Variants in DDX42 observed in about 807,000 individuals in gnomAD.
DDX42 encodes the protein DEAD-box helicase 42.
DDX42 carries 22 observed loss-of-function variants against 101.5 expected under a neutral mutation model. That is an observed-to-expected ratio of 0.22 (90% confidence interval 0.15 to 0.31). The LOEUF (loss-of-function observed/expected upper bound fraction) is 0.31, where lower values mean the gene tolerates loss of function less well. DDX42 is among the 10% of genes least tolerant of loss of function. The pLI, the probability that DDX42 is intolerant of heterozygous loss-of-function variation, is 1.00. For missense variants in DDX42, 849 were observed against 1,199.9 expected, an observed-to-expected ratio of 0.71 and a Z score of 4.32; for synonymous variants, 402 against 401.2, an observed-to-expected ratio of 1.00 and a Z score of -0.02.
chr17:63,796,516 A>AT (rs2039694670), intron 3 of DDX42, among the ~76,000 whole-genome samples: 1 of 152,206 alleles, frequency 6.6e-6, no homozygotes, highest in Admixed American at 6.5e-5. Context: ...GGGTTTCTCC[A>AT]TATTGGTCAG....
chr17:63,787,515 T>C (rs1001466188), intron 2 of DDX42, among the ~76,000 whole-genome samples: 9 of 152,338 alleles, frequency 5.9e-5, no homozygotes, highest in Admixed American at 4.6e-4. Context: ...GGGCTGTTGC[T>C]CACTGTGGGA....
chr17:63,818,944 C>G lies in DDX42; in HGVS notation c.*546C>G, dbSNP rs996022548. On this transcript the variant is annotated 3_prime_UTR_variant, in exon 18 of 18. Coordinates refer to ENST00000389924, the MANE Select transcript of DDX42 (RefSeq NM_203499.3). Reference sequence around the variant, plus strand: ...TCAGGTCCCCAGCCAGGTTTGCATCCAGCCCTGAGACATGTAGGAAACACC... The same window carrying G: ...TCAGGTCCCCAGCCAGGTTTGCATCGAGCCCTGAGACATGTAGGAAACACC... The G allele has an allele frequency of 6.5e-6, 1 of 154,662 alleles. No homozygotes were observed. The highest frequency in any genetic ancestry group is 6.3e-5 in the Admixed American group (1 of 15,770). 9.6% of individuals were successfully genotyped at this position (154,662 alleles called of 1,614,324 possible).
At chr17:63,801,899 G>A (rs928823326) in intron 6 of DDX42, among the ~76,000 whole-genome samples, 1 of 152,020 alleles carries the variant, frequency 6.6e-6, no homozygotes, top group African/African-American at 2.4e-5. Context: ...AAAAATATCA[G>A]TGTTTCATCC....
At chr17:63,793,800 A>G (rs1018287834) in intron 3 of DDX42, among the ~76,000 whole-genome samples, 1 of 151,284 alleles carries the variant, frequency 6.6e-6, no homozygotes, top group East Asian at 1.9e-4. Context: ...GATCATTAAG[A>G]ATGTTCATTA....
chr17:63,794,132 C>G (rs184495425), intron 3 of DDX42, among the ~76,000 whole-genome samples: 17 of 152,280 alleles, frequency 1.1e-4, no homozygotes, highest in Admixed American at 2.6e-4. Flanking sequence ...CTACTTTACA[C>G]TCTCGTAAAT....
chr17:63,818,998 G>A lies in DDX42; in HGVS notation c.*600G>A, dbSNP rs1598347175. On this transcript the variant is annotated 3_prime_UTR_variant, in exon 18 of 18. Transcript: ENST00000389924. ...CAGACCCAGGCTCTGAAGATTCCCAGAAGCCACAAGGATTGAAGGGAAAAG... is the reference window on the plus strand; with the variant it reads ...CAGACCCAGGCTCTGAAGATTCCCAAAAGCCACAAGGATTGAAGGGAAAAG... The A allele has an allele frequency of 6.6e-6, 1 of 152,550 alleles. No homozygotes were observed. The allele number at this position is 152,550 out of a possible 1,614,324, so 9.4% of individuals were successfully genotyped here.
chr17:63,806,784 C>G (rs1433026258), intron 8 of DDX42, 130 bp downstream of exon 8: 1 of 1,028,224 alleles, frequency 9.7e-7, no homozygotes, highest in African/African-American at 1.7e-5. Context: ...AGGTATTTAT[C>G]ACTCTTAAGA....
intron 3 of DDX42, among the ~76,000 whole-genome samples, chr17:63,795,583 T>C (rs1166932447): frequency 6.6e-6 from 1 of 152,206 alleles, no homozygotes; most frequent in Non-Finnish European, 1.5e-5. Context: ...CTCTCCACCT[T>C]GGCCTCTCAG....
At chr17:63,807,670 A>C in intron 8 of DDX42, 54 bp from the exon 9 acceptor site, 1 of 1,527,992 alleles carries the variant, frequency 6.5e-7, no homozygotes, top group Non-Finnish European at 8.9e-7. Context: ...GATTTGCTTC[A>C]GTACATCTTT....
At chr17:63,817,278 ACT>A in intron 17 of DDX42, 1 of 347,824 alleles carries the variant, frequency 2.9e-6, no homozygotes, top group Admixed American at 4.4e-5. Context: ...CCCACCTCCA[ACT>A]CACTTCTGAA....
chr17:63,785,557 A>G (rs548856017), intron 1 of DDX42, among the ~76,000 whole-genome samples: 1 of 151,374 alleles, frequency 6.6e-6, no homozygotes, highest in African/African-American at 2.4e-5. Context: ...TCTTGAGGCT[A>G]GAAGTTTGAG....
At chr17:63,809,095 T>TAGTTTTGATTAATTTTGATTAATTTA (rs1198776379) in intron 10 of DDX42, 147 bp downstream of exon 10, 1 of 1,192,262 alleles carries the variant, frequency 8.4e-7, no homozygotes, top group Non-Finnish European at 1.2e-6. Context: ...TAATTTTGAT[T>TAGTTTTGATTAATTTTGATTAATTTA]GGTGGCTAAA....
chr17:63,785,615 A>G (rs991508112), intron 1 of DDX42, among the ~76,000 whole-genome samples: 2 of 149,556 alleles, frequency 1.3e-5, no homozygotes, highest in African/African-American at 5.1e-5. Context: ...AAAAAAAAAA[A>G]AAAGAAAGAA....
At chr17:63,779,026 G>T (rs1463463824) in intron 1 of DDX42, among the ~76,000 whole-genome samples, 7 of 152,178 alleles carry the variant, frequency 4.6e-5, no homozygotes. Context: ...TTATTGGTCA[G>T]TATAAAACAA....
At chr17:63,814,267 G>A (rs1439021889) in intron 15 of DDX42, among the ~76,000 whole-genome samples, 1 of 152,186 alleles carries the variant, frequency 6.6e-6, no homozygotes, top group African/African-American at 2.4e-5. Context: ...CAAACCTGGA[G>A]TCATCTGAAT....
intron 2 of DDX42, among the ~76,000 whole-genome samples, chr17:63,789,677 A>G (rs1274743926): frequency 6.7e-6 from 1 of 148,932 alleles, no homozygotes; most frequent in African/African-American, 2.5e-5. Flanking sequence ...GGGTTCAAGC[A>G]ATTCTCCTGT....
chr17:63,811,345 C>A, intron 13 of DDX42, 172 bp downstream of exon 13: 2 of 483,662 alleles, frequency 4.1e-6, no homozygotes, highest in Non-Finnish European at 3.6e-6. Flanking sequence ...ACAAGACTGG[C>A]AAAATGTTGG....
At position 63,805,004 on chromosome 17, in the gene DDX42, C is replaced by T. The variant is rs562816374; in HGVS notation, c.622-67C>T. The T allele has an allele frequency of 5.7e-5, 88 of 1,530,716 alleles. No homozygotes were observed. The Middle Eastern group carries it at 1.7e-3, about 30-fold the overall frequency. 94.8% of individuals were successfully genotyped at this position (1,530,716 alleles called of 1,614,324 possible). On this transcript the variant is annotated intron_variant, in intron 6 of 17. Transcript: ENST00000389924. Reference sequence around the variant, plus strand: ...GTAAAATTTGGAAAAGATTATTTTGCAATAAAATCAAACTTACAGAATTGA... The same window carrying T: ...GTAAAATTTGGAAAAGATTATTTTGTAATAAAATCAAACTTACAGAATTGA...
intron 13 of DDX42, 123 bp from the exon 14 acceptor site, chr17:63,811,809 C>G: frequency 7.6e-7 from 1 of 1,318,972 alleles, no homozygotes. Context: ...TTGCTGAAGG[C>G]CCAAGGAGAA....
Sources: gnomAD v4.1 joint callset for allele counts (sites outside exome capture counted in the v4.1 genomes callset) on GRCh38, gnomAD v4.1.1 for gene constraint, MANE v1.5 for transcripts, NCBI Gene and HGNC (gene_info 2026-07-23, HGNC 2026-07-21) for gene names.